The following LRRC7 variants were observed in gnomAD, a reference collection of about 807,000 sequenced individuals.
LRRC7 encodes the protein leucine rich repeat containing 7.
In LRRC7, 23 loss-of-function variants were observed where a neutral mutation model predicts 175.7. That is an observed-to-expected ratio of 0.13 (90% CI 0.09 to 0.19). LRRC7 has a LOEUF of 0.19. LRRC7 is among the 10% of genes least tolerant of loss of function. The pLI, the probability that LRRC7 is intolerant of heterozygous loss-of-function variation, is 1.00. For missense variants in LRRC7, 1,354 were observed against 1,904.7 expected, an observed-to-expected ratio of 0.71 and a Z score of 5.38; for synonymous variants, 685 against 680.9, an observed-to-expected ratio of 1.01 and a Z score of -0.09.
intron 11 of LRRC7, among the ~76,000 whole-genome samples, chr1:69,995,849 T>C (rs1409790279): frequency 6.6e-6 from 1 of 151,628 alleles, no homozygotes; most frequent in Non-Finnish European, 1.5e-5. Flanking sequence ...TTGTGAATAA[T>C]GCCGCAATAA....
intron 4 of LRRC7, among the ~76,000 whole-genome samples, chr1:69,801,192 C>T (rs909938102): frequency 4.0e-5 from 6 of 151,394 alleles, no homozygotes; most frequent in African/African-American, 1.5e-4. Flanking sequence ...TTGTCGTGTC[C>T]TTGTCTGGCT....
In LRRC7 at chr1:70,126,902, C is replaced by T. The variant is rs778502831; in HGVS notation, c.*5015C>T. 6.6e-6 allele frequency among the ~76,000 whole-genome samples: 1 copy of T among 152,162 alleles called. No individual in the cohort carries two copies. Among genetic ancestry groups the T allele is most frequent in the Non-Finnish European group, 1.5e-5 (1 of 68,038 alleles). ...ATTGCTGCAGTTGCTGCTATAGATC[C>T]GTCCCTCCAACTCCCCATGTTTTTC... On this transcript the variant is annotated 3_prime_UTR_variant, in exon 27 of 27. Transcript: ENST00000651989.
At chr1:69,819,603 G>C (rs1460707928) in intron 4 of LRRC7, among the ~76,000 whole-genome samples, 1 of 151,272 alleles carries the variant, frequency 6.6e-6, no homozygotes, top group African/African-American at 2.4e-5. Context: ...GTGTGTGTGT[G>C]TGTGTGTGTG....
intron 1 of LRRC7, among the ~76,000 whole-genome samples, chr1:69,589,801 T>C (rs1446456536): frequency 1.3e-5 from 2 of 152,170 alleles, no homozygotes; most frequent in African/African-American, 4.8e-5. Flanking sequence ...GGAAATCAGA[T>C]ACTACATCAA....
intron 7 of LRRC7, among the ~76,000 whole-genome samples, chr1:69,894,797 G>T (rs765855645): frequency 2.6e-5 from 4 of 152,160 alleles, no homozygotes; most frequent in South Asian, 4.1e-4. Context: ...ATAATCAAAG[G>T]TATAGAAGTA....
chr1:70,080,879 G>A (rs948122750), intron 24 of LRRC7, among the ~76,000 whole-genome samples: 1 of 152,150 alleles, frequency 6.6e-6, no homozygotes, highest in Non-Finnish European at 1.5e-5. Context: ...CATTCCACAT[G>A]GAAAACCCTT....
intron 2 of LRRC7, among the ~76,000 whole-genome samples, chr1:69,707,686 C>T (rs953013863): frequency 1.3e-5 from 2 of 152,024 alleles, no homozygotes; most frequent in Admixed American, 6.6e-5. Flanking sequence ...TTCCTTGCCC[C>T]CAAGTCAAAC....
rs1168936757 is a variant in LRRC7, at chr1:69,611,809, A to C, written c.2+43168A>C. Among the ~76,000 whole-genome samples, 3 of 152,106 alleles carry C rather than the reference A, an allele frequency of 2.0e-5. No individual in the cohort carries two copies. The East Asian group carries it at 5.8e-4, about 29-fold the overall frequency. On this transcript the variant is annotated intron_variant, in intron 1 of 26. Coordinates refer to ENST00000651989, the MANE Select transcript of LRRC7 (RefSeq NM_001370785.2). ...GCAACAATGTGGCACTAAAGATCTC[A>C]AAAAGGACATTTGTTTATAACATGA...
chr1:69,909,508 T>C (rs1264724723), intron 7 of LRRC7, among the ~76,000 whole-genome samples: 1 of 152,114 alleles, frequency 6.6e-6, no homozygotes, highest in African/African-American at 2.4e-5. Context: ...TGTAAAGTAT[T>C]TTTTTTCTCC....
At chr1:69,835,232 T>G (rs113820170) in intron 6 of LRRC7, among the ~76,000 whole-genome samples, 12 of 151,862 alleles carry the variant, frequency 7.9e-5, no homozygotes, top group Non-Finnish European at 1.6e-4. Flanking sequence ...ACAATACATA[T>G]GATGACCTAA....
intron 2 of LRRC7, among the ~76,000 whole-genome samples, chr1:69,718,172 G>GAAAGAAAGAAAGAAAGAAAGAAAGA (rs762929332): frequency 7.0e-6 from 1 of 142,890 alleles, no homozygotes; most frequent in South Asian, 2.3e-4. Flanking sequence ...AAGAAAGAAA[G>GAAAGAAAGAAAGAAAGAAAGAAAGA]AAGAAAAGAA....
At chr1:69,722,712 AC>A (rs1448526710) in intron 2 of LRRC7, among the ~76,000 whole-genome samples, 4 of 152,046 alleles carry the variant, frequency 2.6e-5, no homozygotes, top group Admixed American at 6.6e-5. Flanking sequence ...TTTCTATTAG[AC>A]AGATTCAGCA....
At chr1:69,962,025 A>G (rs1651147556) in intron 8 of LRRC7, among the ~76,000 whole-genome samples, 1 of 152,216 alleles carries the variant, frequency 6.6e-6, no homozygotes, top group Non-Finnish European at 1.5e-5. Flanking sequence ...TGCACAGCAA[A>G]AGAAACTATC....
At chr1:69,942,552 C>G (rs546723225) in intron 8 of LRRC7, among the ~76,000 whole-genome samples, 7 of 152,020 alleles carry the variant, frequency 4.6e-5, no homozygotes, top group Admixed American at 4.6e-4. Flanking sequence ...TCTAAAGGCA[C>G]TAGAGGAGAA....
At chr1:70,033,160 A>G (rs1015395111) in intron 18 of LRRC7, among the ~76,000 whole-genome samples, 1 of 152,218 alleles carries the variant, frequency 6.6e-6, no homozygotes, top group Non-Finnish European at 1.5e-5. Context: ...CAGCATACAC[A>G]GTATCACATA....
intron 25 of LRRC7, among the ~76,000 whole-genome samples, chr1:70,102,087 C>G (rs946234058): frequency 6.6e-6 from 1 of 152,080 alleles, no homozygotes; most frequent in East Asian, 1.9e-4. Flanking sequence ...AGAGATGCCA[C>G]AAGCCACTAA....
At chr1:69,781,737 G>GAAAGAAAGAA (rs1557719595) in intron 3 of LRRC7, among the ~76,000 whole-genome samples, 18 of 29,034 alleles carry the variant, frequency 6.2e-4, no homozygotes, top group African/African-American at 9.6e-4. Flanking sequence ...GAAAGAAAGA[G>GAAAGAAAGAA]AGAGAGAGAG....
chr1:69,795,115 C>T (rs1436265708), intron 4 of LRRC7, among the ~76,000 whole-genome samples: 1 of 152,198 alleles, frequency 6.6e-6, no homozygotes, highest in East Asian at 1.9e-4. Context: ...GGCGCAGTGA[C>T]TCATGCCTGT....
intron 4 of LRRC7, among the ~76,000 whole-genome samples, chr1:69,799,102 G>GTTTTTTTT (rs34579269): frequency 7.3e-6 from 1 of 136,146 alleles, no homozygotes; most frequent in Non-Finnish European, 1.6e-5. Flanking sequence ...CTGAATGCTA[G>GTTTTTTTT]TTTTTTTTTT....
Sources: allele counts gnomAD v4.1 joint callset (sites outside exome capture counted in the v4.1 genomes callset), GRCh38; gene constraint gnomAD v4.1.1; transcripts MANE v1.5; gene names NCBI Gene and HGNC (gene_info 2026-07-23, HGNC 2026-07-21).